GALNTL6: variants seen among roughly 807,000 people sequenced by gnomAD.
GALNTL6 encodes polypeptide N-acetylgalactosaminyltransferase-like 6.
A neutral mutation model predicts 73.7 loss-of-function variants in GALNTL6; 46 were observed. That is an observed-to-expected ratio of 0.62 (90% CI 0.49 to 0.80). The LOEUF is 0.80. Among genes scored for constraint, GALNTL6 ranks in the 30% least tolerant of loss-of-function variants. The pLI, the probability that GALNTL6 is intolerant of heterozygous loss-of-function variation, is 0.00. For missense variants in GALNTL6, 604 were observed against 755.0 expected, an observed-to-expected ratio of 0.80 and a Z score of 2.34; for synonymous variants, 259 against 263.7, an observed-to-expected ratio of 0.98 and a Z score of 0.17.
Position 171,849,373 on chromosome 4 carries a change from C to T in GALNTL6, c.138+34655C>T, listed in dbSNP as rs527473373. On this transcript the variant is annotated intron_variant, in intron 2 of 12. Transcript: ENST00000506823. ...TCTTACTATCTTCCTTGAGATCACTCCCTTAATAATAATAGGAAGTGCTTT... is the reference window on the plus strand; with the variant it reads ...TCTTACTATCTTCCTTGAGATCACTTCCTTAATAATAATAGGAAGTGCTTT... Among the ~76,000 whole-genome samples the T allele has an allele frequency of 5.3e-5, 8 of 152,274 alleles. No homozygotes were observed. The South Asian group carries it at 1.5e-3, about 28-fold the overall frequency.
chr4:172,935,946 C>T (rs1306597299), intron 9 of GALNTL6, among the ~76,000 whole-genome samples: 2 of 152,174 alleles, frequency 1.3e-5, no homozygotes. Context: ...CCAGCATCAT[C>T]CTGATACCAA....
Position 171,813,804 on chromosome 4 carries a change from G to A in GALNTL6, c.-356G>A, listed in dbSNP as rs1734446194. On this transcript the variant is annotated 5_prime_UTR_variant, in exon 1 of 13. Transcript: ENST00000506823. This position sits in a 1 kb window ranked among gnomAD's most constrained non-coding sequence, Gnocchi z 5.2. ...TGGCTGGACTCCGCTGACATCTGTA[G>A]CCTCCTTTCCACCAGGTTCCCGGGG... 2.0e-5 allele frequency: 3 copies of A among 152,406 alleles called. No homozygotes were observed. Among genetic ancestry groups the A allele is most frequent in the Non-Finnish European group, 2.9e-5 (2 of 68,240 alleles). 9.4% of individuals were successfully genotyped at this position (152,406 alleles called of 1,614,324 possible).
chr4:172,892,808 T>C (rs1174980635), intron 8 of GALNTL6, among the ~76,000 whole-genome samples: 1 of 152,112 alleles, frequency 6.6e-6, no homozygotes, highest in Non-Finnish European at 1.5e-5. Flanking sequence ...CATGATTTCT[T>C]AGTCTCAAGC....
intron 4 of GALNTL6, among the ~76,000 whole-genome samples, chr4:172,345,848 C>G (rs1051460395): frequency 2.0e-5 from 3 of 152,180 alleles, no homozygotes; most frequent in Non-Finnish European, 4.4e-5. Context: ...AACTGCTGAT[C>G]ACTGTGGGCA....
At chr4:172,324,139 A>G (rs747762994) in intron 4 of GALNTL6, among the ~76,000 whole-genome samples, 1 of 151,936 alleles carries the variant, frequency 6.6e-6, no homozygotes, top group Non-Finnish European at 1.5e-5. Flanking sequence ...CATATTTTAC[A>G]TGATGTGTGT....
At chr4:172,177,750 T>C (rs1239176618) in intron 2 of GALNTL6, among the ~76,000 whole-genome samples, 1 of 140,206 alleles carries the variant, frequency 7.1e-6, no homozygotes, top group Non-Finnish European at 1.5e-5. Context: ...CATGTGTATA[T>C]ATATGTGTGT....
At chr4:172,905,638 T>TA (rs1466166368) in intron 8 of GALNTL6, among the ~76,000 whole-genome samples, 1 of 151,992 alleles carries the variant, frequency 6.6e-6, no homozygotes, top group Non-Finnish European at 1.5e-5. Flanking sequence ...GTGCCTAAGA[T>TA]AAAATCAAAA....
intron 2 of GALNTL6, among the ~76,000 whole-genome samples, chr4:171,960,679 GTCTT>G (rs894142072): frequency 6.4e-4 from 72 of 112,230 alleles, no homozygotes; most frequent in Non-Finnish European, 1.1e-3. Context: ...AGAAATGACT[GTCTT>G]TATTTAAAAA....
At chr4:172,895,383 G>T (rs965345580) in intron 8 of GALNTL6, among the ~76,000 whole-genome samples, 1 of 132,326 alleles carries the variant, frequency 7.6e-6, no homozygotes. Flanking sequence ...TAGTGTTTTT[G>T]TTATATATAT....
At chr4:173,001,387 C>T (rs944786637) in intron 10 of GALNTL6, among the ~76,000 whole-genome samples, 2 of 152,090 alleles carry the variant, frequency 1.3e-5, no homozygotes, top group Admixed American at 6.5e-5. Context: ...CTAAATGGAC[C>T]TAAACATAAG....
chr4:172,553,825 G>T (rs1736047791), intron 5 of GALNTL6, among the ~76,000 whole-genome samples: 1 of 152,058 alleles, frequency 6.6e-6, no homozygotes, highest in African/African-American at 2.4e-5. Flanking sequence ...GGGAGGCAAG[G>T]GTGGAAGGAT....
At position 171,908,902 on chromosome 4, in the gene GALNTL6, C is replaced by A. The variant is rs936598525; in HGVS notation, c.138+94184C>A. 3.4e-5 allele frequency among the ~76,000 whole-genome samples: 5 copies of A among 148,332 alleles called. No individual in the cohort carries two copies. The East Asian group carries it at 7.9e-4, about 24-fold the overall frequency. On this transcript the variant is annotated intron_variant, in intron 2 of 12. Coordinates refer to ENST00000506823, the MANE Select transcript of GALNTL6 (RefSeq NM_001034845.3). ...CGTAAACTATTGCAAGAACAAAAAA[C>A]CAAACACCACATATTCTCACTCATA...
intron 2 of GALNTL6, among the ~76,000 whole-genome samples, chr4:171,817,282 G>A (rs76707337): frequency 0.036 from 5,481 of 152,004 alleles, 295 homozygotes; most frequent in African/African-American, 0.12. Context: ...TGTGGTAGTG[G>A]TCATAAGAGC....
At chr4:172,867,926 A>G (rs941919765) in intron 7 of GALNTL6, among the ~76,000 whole-genome samples, 2 of 152,254 alleles carry the variant, frequency 1.3e-5, no homozygotes, top group Non-Finnish European at 1.5e-5. Flanking sequence ...CCAGTGCTTA[A>G]CATAAATTGA....
At chr4:172,305,831 A>C (rs1234127704) in intron 3 of GALNTL6, among the ~76,000 whole-genome samples, 1 of 152,066 alleles carries the variant, frequency 6.6e-6, no homozygotes, top group Non-Finnish European at 1.5e-5. Context: ...GTTTTGTTTT[A>C]TACCTTTAGA....
At chr4:171,940,365 C>A (rs1738492770) in intron 2 of GALNTL6, among the ~76,000 whole-genome samples, 1 of 151,972 alleles carries the variant, frequency 6.6e-6, no homozygotes, top group African/African-American at 2.4e-5. Flanking sequence ...ATGTCTGACT[C>A]ATCTTTGGAG....
At chr4:171,940,251 C>T (rs1276816030) in intron 2 of GALNTL6, among the ~76,000 whole-genome samples, 1 of 151,698 alleles carries the variant, frequency 6.6e-6, no homozygotes, top group Non-Finnish European at 1.5e-5. Context: ...AAAGGAGGGA[C>T]ATTGAAGGTA....
intron 2 of GALNTL6, among the ~76,000 whole-genome samples, chr4:171,892,840 G>C (rs779424009): frequency 3.3e-5 from 5 of 152,136 alleles, no homozygotes; most frequent in South Asian, 2.1e-4. Flanking sequence ...GAGATTTCAG[G>C]CATGAGCCCC....
At position 172,578,530 on chromosome 4, in the gene GALNTL6, C is replaced by G. The variant is rs145086704; in HGVS notation, c.553+229841C>G. On this transcript the variant is annotated intron_variant, in intron 5 of 12. Coordinates refer to ENST00000506823, the MANE Select transcript of GALNTL6 (RefSeq NM_001034845.3). ...GAAGAGGAATGTCTCCAGAAATTGT[C>G]TTAAATTCATCCCCTCAGCACTTTT... Among the ~76,000 whole-genome samples, 3 of 152,330 alleles carry G rather than the reference C, an allele frequency of 2.0e-5. No individual in the cohort carries two copies. In the East Asian group the frequency reaches 5.8e-4, roughly 29 times the overall value.
Sources: allele counts gnomAD v4.1 joint callset (sites outside exome capture counted in the v4.1 genomes callset), GRCh38; gene constraint gnomAD v4.1.1; non-coding constraint Gnocchi (gnomAD v3.1); transcripts MANE v1.5; gene names NCBI Gene and HGNC (gene_info 2026-07-23, HGNC 2026-07-21).